SETX: variants seen among roughly 807,000 people sequenced by gnomAD.
SETX encodes the protein helicase senataxin.
In SETX, 90 loss-of-function variants were observed where a neutral mutation model predicts 227.2. The ratio of observed to expected loss-of-function variants is 0.40; its 90% CI spans 0.33 to 0.47. SETX has a LOEUF of 0.47. SETX is among the 20% of genes least tolerant of loss of function. The probability of loss-of-function intolerance (pLI) is 0.91; values close to 1 mark genes in which losing one functional copy is unlikely to be tolerated. For missense variants in SETX, 3,052 were observed against 3,181.5 expected, an observed-to-expected ratio of 0.96 and a Z score of 0.98; for synonymous variants, 1,210 against 1,113.2, an observed-to-expected ratio of 1.09 and a Z score of -1.73.
Position 132,330,305 on chromosome 9 carries a change from C to T in SETX, c.1293G>A (p.Gln431=), listed in dbSNP as rs753014614. The change falls in exon 10 of 26, where the codon CAG becomes CAA. Residue 431 remains glutamine (Q), a synonymous_variant. Coordinates refer to ENST00000224140, the MANE Select transcript of SETX (RefSeq NM_015046.7). ...CTTCAGAGTACAGATGATTAACAAC[C>T]TGTGCTATGTAAGCCACACCCAAAT... ...LKDLGVAYIA[Q]VVNHLYSEVK... The T allele has an allele frequency of 2.5e-6, 4 of 1,606,940 alleles. No individual in the cohort carries two copies. The highest frequency in any genetic ancestry group is 3.4e-6 in the Non-Finnish European group (4 of 1,175,040).
intron 19 of SETX, chr9:132,282,871 C>T (rs1361963182): frequency 9.7e-6 from 3 of 309,712 alleles, no homozygotes; most frequent in Non-Finnish European, 1.9e-5. Context: ...ACAAACAGTA[C>T]GTACCCAATA....
At chr9:132,345,918 C>T (rs1434782786) in intron 4 of SETX, among the ~76,000 whole-genome samples, 3 of 152,112 alleles carry the variant, frequency 2.0e-5, no homozygotes, top group Non-Finnish European at 4.4e-5. Context: ...ACCCACAAGG[C>T]TCAGGCAGGA....
In SETX at chr9:132,291,960, A is replaced by G. The variant is rs568335816; in HGVS notation, c.6107-3309T>C. Among the ~76,000 whole-genome samples, 171 of 152,340 alleles carry G rather than the reference A, an allele frequency of 1.1e-3. 3 individuals are homozygous for G. In the South Asian group the frequency reaches 0.035, roughly 31 times the overall value. On this transcript the variant is annotated intron_variant, in intron 15 of 25. Transcript: ENST00000224140. ...AGGCTCAGCTGGGCCAGGAAAAATG[A>G]TTTTAATTAAAATATAAACTATTAA...
At chr9:132,345,541 T>C (rs1051616352) in intron 4 of SETX, among the ~76,000 whole-genome samples, 1 of 152,198 alleles carries the variant, frequency 6.6e-6, no homozygotes, top group Admixed American at 6.5e-5. Context: ...CCCAAAATGA[T>C]GGGATTACAG....
intron 12 of SETX, among the ~76,000 whole-genome samples, chr9:132,300,129 TC>T (rs1303182809): frequency 2.5e-4 from 13 of 51,928 alleles, no homozygotes; most frequent in African/African-American, 1.0e-3. Flanking sequence ...AAACTCCGTC[TC>T]AAAAAAAAAA....
At chr9:132,335,264 G>A (rs187379245) in intron 6 of SETX, among the ~76,000 whole-genome samples, 2,512 of 151,480 alleles carry the variant, frequency 0.017, 44 homozygotes, top group Non-Finnish European at 0.027. Flanking sequence ...GGTGGCAGGC[G>A]CCTGTGGTCC....
At chr9:132,341,860 T>A (rs558853759) in intron 5 of SETX, among the ~76,000 whole-genome samples, 3 of 152,268 alleles carry the variant, frequency 2.0e-5, no homozygotes, top group Non-Finnish European at 4.4e-5. Flanking sequence ...TTCCACTCAT[T>A]TATTACTTCA....
Position 132,300,566 on chromosome 9 carries a change from A to G in SETX, c.5548+64T>C, listed in dbSNP as rs896018257. 1.4e-5 allele frequency: 21 copies of G among 1,525,424 alleles called. No homozygotes were observed. In the African/African-American group the frequency reaches 2.5e-4, roughly 18 times the overall value. 94.5% of individuals were successfully genotyped at this position (1,525,424 alleles called of 1,614,324 possible). On this transcript the variant is annotated intron_variant, in intron 12 of 25. Transcript: ENST00000224140. ...CAAATACACTTGATATACACAATTG[A>G]GAAGTAGATTATTAGATGAGACTGT...
At chr9:132,272,718 G>C (rs572084046) in intron 23 of SETX, among the ~76,000 whole-genome samples, 1 of 152,298 alleles carries the variant, frequency 6.6e-6, no homozygotes, top group African/African-American at 2.4e-5. Context: ...CTTATACTGT[G>C]AGTTTCACAT....
Position 132,284,878 on chromosome 9 carries a change from TTTG to T in SETX, c.6397-1468_6397-1466del, listed in dbSNP as rs370202980. ...TGAAAACACCCACAAAGCTATTTTT[TTTG>T]TTGTTTTTTTTTTTTGAGACGGAGT... On this transcript the variant is annotated intron_variant, in intron 18 of 25. Transcript: ENST00000224140. 5.8e-3 allele frequency among the ~76,000 whole-genome samples: 876 copies of T among 152,034 alleles called. 6 individuals are homozygous for T. Among genetic ancestry groups the T allele is most frequent in the African/African-American group, 0.019 (777 of 41,416 alleles).
chr9:132,301,264 T>C (rs370833720), intron 11 of SETX, among the ~76,000 whole-genome samples: 4 of 151,888 alleles, frequency 2.6e-5, no homozygotes, highest in African/African-American at 9.7e-5. Context: ...TTTTTTTGTA[T>C]TTTTAGTAGA....
chr9:132,294,005 C>T (rs1362372751), intron 15 of SETX, among the ~76,000 whole-genome samples: 1 of 152,084 alleles, frequency 6.6e-6, no homozygotes, highest in African/African-American at 2.4e-5. Context: ...GCCTGGGCGA[C>T]AGGGTGAGAC....
At chr9:132,297,984 T>C in intron 13 of SETX, 96 bp downstream of exon 13, 1 of 1,066,000 alleles carries the variant, frequency 9.4e-7, no homozygotes, top group East Asian at 2.4e-5. Flanking sequence ...GTGAACACAT[T>C]TTTGTTGTAA....
At chr9:132,333,439 A>T (rs1847391127) in intron 7 of SETX, among the ~76,000 whole-genome samples, 1 of 144,506 alleles carries the variant, frequency 6.9e-6, no homozygotes, top group African/African-American at 2.6e-5. Flanking sequence ...ACACACACAC[A>T]CACACACACA....
intron 25 of SETX, chr9:132,266,164 G>A (rs1228279723): frequency 6.6e-6 from 1 of 152,404 alleles, no homozygotes; most frequent in Non-Finnish European, 1.5e-5. Context: ...ATAAAGGTAT[G>A]TTAGGGAAGC....
At chr9:132,351,999 G>T (rs1309521954) in intron 2 of SETX, among the ~76,000 whole-genome samples, 1 of 152,150 alleles carries the variant, frequency 6.6e-6, no homozygotes, top group Non-Finnish European at 1.5e-5. Context: ...CTTATCCTTA[G>T]GCTATCCATT....
At chr9:132,347,670 CAAA>C (rs77513867) in intron 3 of SETX, among the ~76,000 whole-genome samples, 3 of 135,742 alleles carry the variant, frequency 2.2e-5, no homozygotes. Context: ...CAACTACATT[CAAA>C]AAAAAAAAAA....
chr9:132,346,466 T>C lies in SETX; in HGVS notation c.183A>G (p.Leu61=). ...TGAGACGTAAGGTTTCTAATTCCCATAAAACCTAGAGGAAAATAAAATGGG... is the reference window on the plus strand; with the variant it reads ...TGAGACGTAAGGTTTCTAATTCCCACAAAACCTAGAGGAAAATAAAATGGG... ...RDELPFLHEV[L]WELETLRLIN... Residue 61 remains leucine (L), a synonymous_variant, in exon 4 of 26, where the codon TTA becomes TTG. Coordinates refer to ENST00000224140, the MANE Select transcript of SETX (RefSeq NM_015046.7). 2 of 1,607,344 alleles carry C rather than the reference T, an allele frequency of 1.2e-6. No homozygotes were observed. The highest frequency in any genetic ancestry group is 1.1e-5 in the South Asian group (1 of 90,614).
chr9:132,273,719 A>G (rs1447322461), intron 23 of SETX, among the ~76,000 whole-genome samples: 1 of 152,188 alleles, frequency 6.6e-6, no homozygotes, highest in Non-Finnish European at 1.5e-5. Context: ...TAGGGTTTCT[A>G]GAAATAAGAT....
Sources: allele counts gnomAD v4.1 joint callset (sites outside exome capture counted in the v4.1 genomes callset), GRCh38; gene constraint gnomAD v4.1.1; transcripts MANE v1.5; gene names NCBI Gene and HGNC (gene_info 2026-07-23, HGNC 2026-07-21).